HS6ST3: variants seen among roughly 807,000 people sequenced by gnomAD.
The protein encoded by HS6ST3 is heparan sulfate 6-O-sulfotransferase 3, also known as heparan-sulfate 6-O-sulfotransferase 3.
In HS6ST3, 12 loss-of-function variants were observed where a neutral mutation model predicts 36.7. The observed-to-expected ratio is 0.33, with a 90% CI of 0.21 to 0.53. The LOEUF (loss-of-function observed/expected upper bound fraction) is 0.53. Among genes scored for constraint, HS6ST3 ranks in the 20% least tolerant of loss-of-function variants. The probability of loss-of-function intolerance (pLI) is 0.95; values close to 1 mark genes in which losing one functional copy is unlikely to be tolerated. For missense variants in HS6ST3, 584 were observed against 640.9 expected (o/e 0.91, Z 0.96); for synonymous variants, 240 against 257.5 (o/e 0.93, Z 0.65).
chr13:96,798,502 T>C (rs1275574076), intron 1 of HS6ST3, among the ~76,000 whole-genome samples: 24 of 151,872 alleles, frequency 1.6e-4, no homozygotes. Flanking sequence ...ATTTTAGGAG[T>C]TGTGCGCTAG....
At chr13:96,475,332 C>T (rs555536536) in intron 1 of HS6ST3, among the ~76,000 whole-genome samples, 2 of 152,126 alleles carry the variant, frequency 1.3e-5, no homozygotes, top group South Asian at 4.2e-4. Context: ...GCACACTAAA[C>T]GGGGATGACA....
intron 1 of HS6ST3, among the ~76,000 whole-genome samples, chr13:96,813,447 G>T (rs1384142107): frequency 6.6e-6 from 1 of 152,080 alleles, no homozygotes; most frequent in Non-Finnish European, 1.5e-5. Context: ...TCCCCACTGG[G>T]GTTCCACTCT....
At chr13:96,525,987 A>T (rs1368185295) in intron 1 of HS6ST3, among the ~76,000 whole-genome samples, 1 of 152,206 alleles carries the variant, frequency 6.6e-6, no homozygotes, top group African/African-American at 2.4e-5. Flanking sequence ...ACAGACATGC[A>T]TTATTATACA....
chr13:96,576,595 A>G (rs1368034766), intron 1 of HS6ST3, among the ~76,000 whole-genome samples: 1 of 152,194 alleles, frequency 6.6e-6, no homozygotes, highest in East Asian at 1.9e-4. Context: ...GCTTAGTGAT[A>G]TTGGCCACGC....
chr13:96,542,272 T>C lies in HS6ST3; in HGVS notation c.708-290218T>C, dbSNP rs538933740. On this transcript the variant is annotated intron_variant, in intron 1 of 1. Transcript: ENST00000376705. ...CATAGATAGAGTTTAGCTTTATTCA[T>C]TGAGCTAGCCAGCAGCTTTCTCCCA... Among the ~76,000 whole-genome samples, 9 of 152,312 alleles carry C rather than the reference T, an allele frequency of 5.9e-5. No homozygotes were observed. In the East Asian group the frequency reaches 1.7e-3, roughly 29 times the overall value.
Position 96,833,020 on chromosome 13 carries a change from A to T in HS6ST3, c.1238A>T (p.Asp413Val). ...ATGCAGCTTTACGAGTATGCAAAAG[A>T]TCTCTTCCAGCAGCGCTACCACCAC... ...LDMQLYEYAK[D>V]LFQQRYHHTK... is the part of the protein sequence containing the mutation. Residue 413 changes from aspartate (D) to valine (V), a missense_variant, in exon 2 of 2, where the codon GAT becomes GTT. Asp to Val is a radical substitution (Grantham distance 152, BLOSUM62 -3). This residue lies in a region of HS6ST3 where 360 missense variants were observed against 411.3 expected (regional missense o/e 0.88). Coordinates refer to ENST00000376705, the MANE Select transcript of HS6ST3 (RefSeq NM_153456.4). 6.2e-7 allele frequency: 1 copy of T among 1,613,974 alleles called. No homozygotes were observed. The highest frequency in any genetic ancestry group is 1.1e-5 in the South Asian group (1 of 91,068).
At chr13:96,318,729 A>G (rs530227323) in intron 1 of HS6ST3, among the ~76,000 whole-genome samples, 1 of 151,980 alleles carries the variant, frequency 6.6e-6, no homozygotes, top group Admixed American at 6.6e-5. Flanking sequence ...TGAGCTTTCT[A>G]TTCGGTTCCA....
chr13:96,287,082 A>T (rs1252074958), intron 1 of HS6ST3, among the ~76,000 whole-genome samples: 2 of 152,182 alleles, frequency 1.3e-5, no homozygotes, highest in Non-Finnish European at 2.9e-5. Flanking sequence ...GAAGACAAGA[A>T]GATCTTTGTC....
intron 1 of HS6ST3, among the ~76,000 whole-genome samples, chr13:96,382,586 T>C (rs1048784629): frequency 6.6e-6 from 1 of 152,224 alleles, no homozygotes; most frequent in African/African-American, 2.4e-5. Context: ...AGAAAATTAA[T>C]GAGTTTCAGT....
At chr13:96,634,931 C>T (rs1372124059) in intron 1 of HS6ST3, among the ~76,000 whole-genome samples, 3 of 113,508 alleles carry the variant, frequency 2.6e-5, no homozygotes, top group African/African-American at 9.5e-5. Flanking sequence ...GAGTTTCAGA[C>T]TCACATATCC....
intron 1 of HS6ST3, among the ~76,000 whole-genome samples, chr13:96,407,233 C>G (rs1179413930): frequency 6.6e-6 from 1 of 151,980 alleles, no homozygotes; most frequent in East Asian, 1.9e-4. Context: ...TCAGTTTGAT[C>G]TTATAATATA....
chr13:96,231,453 T>C (rs964259244), intron 1 of HS6ST3, among the ~76,000 whole-genome samples: 5 of 152,080 alleles, frequency 3.3e-5, no homozygotes, highest in African/African-American at 2.4e-5. Context: ...AGGAAACTTA[T>C]AACTATGGCA....
At chr13:96,288,865 A>G (rs1043660283) in intron 1 of HS6ST3, among the ~76,000 whole-genome samples, 10 of 152,206 alleles carry the variant, frequency 6.6e-5, no homozygotes, top group South Asian at 2.1e-4. Flanking sequence ...AGGAAATAGT[A>G]AAGTCAACTT....
At chr13:96,190,285 A>G (rs947342051) in intron 1 of HS6ST3, among the ~76,000 whole-genome samples, 2 of 152,156 alleles carry the variant, frequency 1.3e-5, no homozygotes, top group Non-Finnish European at 2.9e-5. Flanking sequence ...CTGCCTGGGC[A>G]TTCTCCTTCA....
intron 1 of HS6ST3, among the ~76,000 whole-genome samples, chr13:96,298,250 A>T (rs906596566): frequency 3.9e-5 from 6 of 152,188 alleles, no homozygotes; most frequent in African/African-American, 1.4e-4. Flanking sequence ...GATTTTCAGT[A>T]GAAAGGAAAT....
chr13:96,446,720 C>T lies in HS6ST3; in HGVS notation c.707+355151C>T, dbSNP rs546299625. 4.6e-5 allele frequency among the ~76,000 whole-genome samples: 7 copies of T among 152,292 alleles called. No homozygotes were observed. In the East Asian group the frequency reaches 9.6e-4, roughly 21 times the overall value. On this transcript the variant is annotated intron_variant, in intron 1 of 1. Coordinates refer to ENST00000376705, the MANE Select transcript of HS6ST3 (RefSeq NM_153456.4). ...CCATTGGCTAAAAGTGGAATGTTCTCAATTAACTTTTTATTCACAGAGACA... is the reference window on the plus strand; with the variant it reads ...CCATTGGCTAAAAGTGGAATGTTCTTAATTAACTTTTTATTCACAGAGACA...
chr13:96,582,101 A>C (rs2056343942), intron 1 of HS6ST3, among the ~76,000 whole-genome samples: 1 of 152,226 alleles, frequency 6.6e-6, no homozygotes, highest in Admixed American at 6.5e-5. Flanking sequence ...CCAGACACAA[A>C]GATTTTAAAG....
At chr13:96,225,869 T>A (rs1018019396) in intron 1 of HS6ST3, among the ~76,000 whole-genome samples, 3 of 152,154 alleles carry the variant, frequency 2.0e-5, no homozygotes, top group Non-Finnish European at 2.9e-5. Flanking sequence ...AAAGAGTGAA[T>A]AGAAGTATAG....
intron 1 of HS6ST3, among the ~76,000 whole-genome samples, chr13:96,214,359 C>G (rs750978303): frequency 1.3e-5 from 2 of 152,116 alleles, no homozygotes; most frequent in Non-Finnish European, 2.9e-5. Context: ...AGAATCTCAT[C>G]TCATCTCTGA....
Sources: allele counts gnomAD v4.1 joint callset (sites outside exome capture counted in the v4.1 genomes callset), GRCh38; gene constraint gnomAD v4.1.1; regional missense constraint gnomAD v4.1.1; transcripts MANE v1.5; gene names NCBI Gene and HGNC (gene_info 2026-07-23, HGNC 2026-07-21).